The following RAB37 variants were observed in gnomAD, a reference collection of about 807,000 sequenced individuals.
RAB37 encodes the protein RAB37, member RAS oncogene family.
A neutral mutation model predicts 33.1 loss-of-function variants in RAB37; 29 were observed. The observed-to-expected ratio is 0.88, with a 90% CI of 0.65 to 1.20. The LOEUF is 1.20. Ranked by LOEUF, RAB37 falls within the 50% of genes most tolerant of loss-of-function variation. The pLI, the probability that RAB37 is intolerant of heterozygous loss-of-function variation, is 0.00. For missense variants in RAB37, 299 were observed against 301.1 expected, an observed-to-expected ratio of 0.99 and a Z score of 0.05; for synonymous variants, 128 against 119.5, an observed-to-expected ratio of 1.07 and a Z score of -0.47.
intron 1 of RAB37, among the ~76,000 whole-genome samples, chr17:74,675,604 C>T (rs1741744952): frequency 6.6e-6 from 1 of 152,086 alleles, no homozygotes; most frequent in Admixed American, 6.6e-5. Context: ...GGCAGAAGTC[C>T]ATGGAAATAA....
Position 74,729,231 on chromosome 17 carries a change from C to T in RAB37, c.73-25C>T, listed in dbSNP as rs1259155757. On this transcript the variant is annotated intron_variant, in intron 1 of 7. Coordinates refer to the RAB37 transcript ENST00000340415. The surrounding 1 kb of genome is among the most constrained non-coding windows in gnomAD (Gnocchi z 4.2). ...GCCAACTCACATCACAGGCCCTCAG[C>T]TCTCTCTCTATTGTTCCCTTCCAGA... The T allele has an allele frequency of 6.4e-7, 1 of 1,561,238 alleles. No homozygotes were observed. Among genetic ancestry groups the T allele is most frequent in the Non-Finnish European group, 8.8e-7 (1 of 1,132,008 alleles).
Position 74,744,541 on chromosome 17 carries a change from C to T in RAB37, c.432+168C>T, listed in dbSNP as rs1325817797. 2.9e-6 allele frequency: 2 copies of T among 681,952 alleles called. No homozygotes were observed. Among genetic ancestry groups the T allele is most frequent in the Non-Finnish European group, 5.0e-6 (2 of 396,350 alleles). The allele number at this position is 681,952 out of a possible 1,614,324, so 42.2% of individuals were successfully genotyped here. On this transcript the variant is annotated intron_variant, in intron 6 of 8. Transcript: ENST00000392613. The surrounding 1 kb of genome is among the most constrained non-coding windows in gnomAD (Gnocchi z 4.2). ...AGGCTTCTGCCCATCCCATCTGCCCCTTCCAGGGAAAGTCCAAGTTGTTGC... is the reference window on the plus strand; with the variant it reads ...AGGCTTCTGCCCATCCCATCTGCCCTTTCCAGGGAAAGTCCAAGTTGTTGC...
intron 1 of RAB37, among the ~76,000 whole-genome samples, chr17:74,715,417 A>C (rs1298727973): frequency 1.3e-5 from 2 of 152,210 alleles, no homozygotes; most frequent in African/African-American, 4.8e-5. Context: ...ATCCGGGGTG[A>C]GGGCTTGGCC....
At chr17:74,724,461 T>G (rs745543830) in intron 1 of RAB37, among the ~76,000 whole-genome samples, 3 of 152,206 alleles carry the variant, frequency 2.0e-5, no homozygotes, top group Non-Finnish European at 4.4e-5. Flanking sequence ...CTTTCCTTAG[T>G]GATTTTGGGG....
At chr17:74,705,076 A>G (rs893154939) in intron 1 of RAB37, 1 of 632,164 alleles carries the variant, frequency 1.6e-6, no homozygotes, top group Admixed American at 2.5e-5. Context: ...CCTGCAGTTC[A>G]CCCCTCTCTC....
At chr17:74,736,287 T>C (rs547502585), upstream of RAB37, among the ~76,000 whole-genome samples, 17 of 151,770 alleles carry the variant, frequency 1.1e-4, no homozygotes, top group Admixed American at 5.9e-4. Flanking sequence ...CCCGCTGTAA[T>C]GCACCCGCCC....
At chr17:74,696,124 G>A in intron 1 of RAB37, 1 of 1,544,704 alleles carries the variant, frequency 6.5e-7, no homozygotes, top group South Asian at 1.2e-5. Flanking sequence ...TGGACCTTCT[G>A]AGAGATGGAA....
rs895360538 is a variant in RAB37, at chr17:74,744,911, C to T, written c.471C>T (p.Asp157=). 4 of 1,614,136 alleles carry T rather than the reference C, an allele frequency of 2.5e-6. No homozygotes were observed. Among genetic ancestry groups the T allele is most frequent in the African/African-American group, 1.3e-5 (1 of 74,950 alleles). The change falls in exon 7 of 9, where the codon GAC becomes GAT. Residue 157 remains aspartate (D), a synonymous_variant. Transcript: ENST00000392613. The surrounding 1 kb of genome is among the most constrained non-coding windows in gnomAD (Gnocchi z 4.2). Reference sequence around the variant, plus strand: ...GCGAAAGAGTGATCCGTTCCGAAGACGGAGAGACCTTGGCCAGGGTAAGTG... The same window carrying T: ...GCGAAAGAGTGATCCGTTCCGAAGATGGAGAGACCTTGGCCAGGGTAAGTG... ...MSSERVIRSE[D]GETLAREYGV...
intron 1 of RAB37, among the ~76,000 whole-genome samples, chr17:74,709,615 G>A (rs1180948715): frequency 6.6e-6 from 1 of 151,934 alleles, no homozygotes; most frequent in African/African-American, 2.4e-5. Context: ...CACCCAGGCC[G>A]GAGTGCACTG....
intron 1 of RAB37, among the ~76,000 whole-genome samples, chr17:74,707,271 C>T (rs1469412863): frequency 6.6e-6 from 1 of 152,160 alleles, no homozygotes; most frequent in African/African-American, 2.4e-5. Context: ...ACATAAGGAA[C>T]TCAAACAAAT....
chr17:74,679,041 G>T (rs1057171098), intron 1 of RAB37, among the ~76,000 whole-genome samples: 2 of 151,660 alleles, frequency 1.3e-5, no homozygotes, highest in Non-Finnish European at 2.9e-5. Context: ...AACCCGGAAG[G>T]CTGAGGTTGC....
intron 1 of RAB37, among the ~76,000 whole-genome samples, chr17:74,681,230 G>A (rs935891524): frequency 1.3e-5 from 2 of 152,188 alleles, no homozygotes; most frequent in Admixed American, 6.5e-5. Context: ...TGAGCCCTTG[G>A]GGACCAGGTC....
At chr17:74,728,575 G>C (rs767524690) in intron 1 of RAB37, among the ~76,000 whole-genome samples, 10 of 151,750 alleles carry the variant, frequency 6.6e-5, no homozygotes, top group Non-Finnish European at 1.5e-4. Flanking sequence ...CATCATGTGT[G>C]TTCTGTGCAT....
intron 2 of RAB37, among the ~76,000 whole-genome samples, chr17:74,741,154 G>A (rs530747610): frequency 2.6e-5 from 4 of 152,230 alleles, no homozygotes; most frequent in Non-Finnish European, 5.9e-5. Context: ...CAGAGCAGCC[G>A]CAGGCACGGC....
chr17:74,699,853 G>A (rs971966870), intron 1 of RAB37, among the ~76,000 whole-genome samples: 2 of 151,920 alleles, frequency 1.3e-5, no homozygotes, highest in African/African-American at 4.8e-5. Context: ...TCAAAATTCT[G>A]CAACAGGCCA....
chr17:74,693,512 A>T (rs1284374836), intron 1 of RAB37, among the ~76,000 whole-genome samples: 1 of 152,134 alleles, frequency 6.6e-6, no homozygotes, highest in Non-Finnish European at 1.5e-5. Flanking sequence ...AAAGAGGAAG[A>T]CCAGGCAGGG....
chr17:74,732,720 G>A (rs894378722), upstream of RAB37, among the ~76,000 whole-genome samples: 6 of 139,950 alleles, frequency 4.3e-5, no homozygotes, highest in African/African-American at 1.3e-4. Flanking sequence ...GTGGTGTGAC[G>A]TGTGTGGTGT....
At chr17:74,702,529 A>T (rs1318933608) in intron 1 of RAB37, among the ~76,000 whole-genome samples, 2 of 152,164 alleles carry the variant, frequency 1.3e-5, no homozygotes, top group Non-Finnish European at 2.9e-5. Context: ...TATAGGCATC[A>T]CTGTTCTTGC....
At chr17:74,713,551 G>A (rs2034098284) in intron 1 of RAB37, among the ~76,000 whole-genome samples, 1 of 152,046 alleles carries the variant, frequency 6.6e-6, no homozygotes, top group East Asian at 1.9e-4. Flanking sequence ...TTGGCTGGGG[G>A]CAGGGGCACG....
Sources: gnomAD v4.1 joint callset for allele counts (sites outside exome capture counted in the v4.1 genomes callset) on GRCh38, gnomAD v4.1.1 for gene constraint, Gnocchi (gnomAD v3.1) non-coding constraint, MANE v1.5 for transcripts, NCBI Gene and HGNC (gene_info 2026-07-23, HGNC 2026-07-21) for gene names.